SLC8A1: variants seen among roughly 807,000 people sequenced by gnomAD.
The protein encoded by SLC8A1 is solute carrier family 8 member A1, also known as sodium/calcium exchanger 1.
In SLC8A1, 18 loss-of-function variants were observed where a neutral mutation model predicts 68.3. The ratio of observed to expected loss-of-function variants is 0.26; its 90% CI spans 0.18 to 0.39. SLC8A1 has a LOEUF of 0.39. Among genes scored for constraint, SLC8A1 ranks in the 10% least tolerant of loss-of-function variants. The pLI is 1.00. For missense variants in SLC8A1, 985 were observed against 1,156.7 expected (o/e 0.85, Z 2.15); for synonymous variants, 475 against 415.5 (o/e 1.14, Z -1.74).
chr2:40,470,145 C>T (rs1467761495), intron 1 of SLC8A1, among the ~76,000 whole-genome samples: 1 of 152,076 alleles, frequency 6.6e-6, no homozygotes, highest in African/African-American at 2.4e-5. Flanking sequence ...TGGAACTAAT[C>T]CACATTTTAA....
At chr2:40,277,821 T>TATATATACAC (rs1553469383) in intron 2 of SLC8A1, among the ~76,000 whole-genome samples, 1 of 137,376 alleles carries the variant, frequency 7.3e-6, no homozygotes, top group African/African-American at 2.6e-5. Context: ...TATATATATA[T>TATATATACAC]ATATATATAT....
chr2:40,232,646 T>A (rs1217712522), intron 2 of SLC8A1, among the ~76,000 whole-genome samples: 2 of 146,482 alleles, frequency 1.4e-5, no homozygotes, highest in Non-Finnish European at 3.0e-5. Flanking sequence ...CATGTGCACA[T>A]TGTGCAGGTT....
chr2:40,230,633 A>G (rs1051103533), intron 2 of SLC8A1, among the ~76,000 whole-genome samples: 2 of 152,232 alleles, frequency 1.3e-5, no homozygotes, highest in Admixed American at 1.3e-4. Flanking sequence ...TTTTTCTTTA[A>G]AATTATAATT....
intron 1 of SLC8A1, among the ~76,000 whole-genome samples, chr2:40,437,145 G>C (rs1376442265): frequency 6.6e-6 from 1 of 152,132 alleles, no homozygotes; most frequent in Non-Finnish European, 1.5e-5. Flanking sequence ...GACAGAACTA[G>C]AATTTTAATT....
At chr2:40,362,946 T>C (rs775499764) in intron 2 of SLC8A1, among the ~76,000 whole-genome samples, 2 of 152,130 alleles carry the variant, frequency 1.3e-5, no homozygotes, top group African/African-American at 2.4e-5. Context: ...ACAGTTTATC[T>C]AGCCCCTTAG....
intron 2 of SLC8A1, among the ~76,000 whole-genome samples, chr2:40,313,978 C>G (rs377733912): frequency 6.6e-6 from 1 of 151,886 alleles, no homozygotes; most frequent in African/African-American, 2.4e-5. Flanking sequence ...TCTAGCCTGT[C>G]TTTTCCTTCA....
intron 1 of SLC8A1, among the ~76,000 whole-genome samples, chr2:40,493,002 C>T (rs990263068): frequency 2.0e-5 from 3 of 152,080 alleles, no homozygotes; most frequent in Non-Finnish European, 2.9e-5. Context: ...TGGGTATATA[C>T]CCAAAGGACT....
At chr2:40,133,960 A>AT (rs1225213925) in intron 7 of SLC8A1, among the ~76,000 whole-genome samples, 3 of 152,094 alleles carry the variant, frequency 2.0e-5, no homozygotes, top group Non-Finnish European at 4.4e-5. Context: ...CTCCTTCTTA[A>AT]TTTTTTCCCT....
intron 2 of SLC8A1, among the ~76,000 whole-genome samples, chr2:40,338,566 A>G (rs957874298): frequency 6.6e-6 from 1 of 152,160 alleles, no homozygotes. Context: ...CTCATATGGC[A>G]TCTGACCCTA....
At chr2:40,251,951 T>A (rs572965774) in intron 2 of SLC8A1, among the ~76,000 whole-genome samples, 1 of 152,202 alleles carries the variant, frequency 6.6e-6, no homozygotes, top group Non-Finnish European at 1.5e-5. Context: ...GTTTAGAGTG[T>A]ATAATACCAA....
At chr2:40,392,913 G>C (rs2149608068) in intron 2 of SLC8A1, among the ~76,000 whole-genome samples, 1 of 152,148 alleles carries the variant, frequency 6.6e-6, no homozygotes, top group Admixed American at 6.6e-5. Context: ...AATACTTACT[G>C]TTTGTGCCTT....
intron 6 of SLC8A1, among the ~76,000 whole-genome samples, chr2:40,158,478 G>T (rs1311557126): frequency 6.6e-6 from 1 of 152,100 alleles, no homozygotes; most frequent in African/African-American, 2.4e-5. Flanking sequence ...ATTTCCAAGC[G>T]GTCATTTAGA....
intron 1 of SLC8A1, among the ~76,000 whole-genome samples, chr2:40,445,094 T>A (rs1215860738): frequency 2.6e-5 from 4 of 152,176 alleles, no homozygotes; most frequent in Non-Finnish European, 5.9e-5. Context: ...GTTCCAAATA[T>A]TTTACTAATA....
intron 2 of SLC8A1, among the ~76,000 whole-genome samples, chr2:40,233,868 G>A (rs572399415): frequency 6.6e-6 from 1 of 151,488 alleles, no homozygotes; most frequent in South Asian, 2.1e-4. Flanking sequence ...TTTCCCCATT[G>A]CTTGTTTTTC....
chr2:40,417,753 T>C (rs982602559), intron 2 of SLC8A1, among the ~76,000 whole-genome samples: 3 of 152,142 alleles, frequency 2.0e-5, no homozygotes, highest in African/African-American at 7.2e-5. Flanking sequence ...GGCCTTTGGA[T>C]GGCACAGTGT....
chr2:40,178,158 T>C (rs2048812665), intron 2 of SLC8A1, among the ~76,000 whole-genome samples: 1 of 152,234 alleles, frequency 6.6e-6, no homozygotes, highest in Non-Finnish European at 1.5e-5. Flanking sequence ...AAATGGATGC[T>C]TGATTGACTG....
intron 2 of SLC8A1, among the ~76,000 whole-genome samples, chr2:40,313,039 C>A (rs2073949299): frequency 6.6e-6 from 1 of 151,908 alleles, no homozygotes; most frequent in South Asian, 2.1e-4. Context: ...ATATATGTAC[C>A]TTTGCCATAA....
chr2:40,328,872 G>C (rs1016559965), intron 2 of SLC8A1, among the ~76,000 whole-genome samples: 3 of 152,008 alleles, frequency 2.0e-5, no homozygotes, highest in Non-Finnish European at 2.9e-5. Flanking sequence ...CCTTCAATCT[G>C]TGGTCTACAC....
intron 2 of SLC8A1, among the ~76,000 whole-genome samples, chr2:40,350,635 T>C (rs1176213034): frequency 1.4e-5 from 2 of 142,636 alleles, no homozygotes; most frequent in African/African-American, 2.6e-5. Context: ...TTTCCATGTA[T>C]GGCTGAATTA....
Sources: gnomAD v4.1 joint callset for allele counts (sites outside exome capture counted in the v4.1 genomes callset) on GRCh38, gnomAD v4.1.1 for gene constraint, MANE v1.5 for transcripts, NCBI Gene and HGNC (gene_info 2026-07-23, HGNC 2026-07-21) for gene names.